KIF1B: variants seen among roughly 807,000 people sequenced by gnomAD.
The protein encoded by KIF1B is kinesin-like protein KIF1B.
A neutral mutation model predicts 241.9 loss-of-function variants in KIF1B; 76 were observed. The observed-to-expected ratio is 0.31, with a 90% CI of 0.26 to 0.38. The LOEUF (loss-of-function observed/expected upper bound fraction) is 0.38, where lower values mean the gene tolerates loss of function less well. Among genes scored for constraint, KIF1B ranks in the 10% least tolerant of loss-of-function variants. The probability of loss-of-function intolerance (pLI) is 1.00; values close to 1 mark genes in which losing one functional copy is unlikely to be tolerated. For missense variants in KIF1B, 1,622 were observed against 2,271.4 expected (o/e 0.71, Z 5.81); for synonymous variants, 750 against 796.7 (o/e 0.94, Z 0.99).
chr1:10,366,765 G>A (rs934797525), intron 43 of KIF1B, among the ~76,000 whole-genome samples: 1 of 152,178 alleles, frequency 6.6e-6, no homozygotes, highest in African/African-American at 2.4e-5. Flanking sequence ...AAGGTCAGGA[G>A]ATTGAGACCA....
intron 8 of KIF1B, among the ~76,000 whole-genome samples, chr1:10,271,952 A>T (rs1038809310): frequency 6.6e-6 from 1 of 152,238 alleles, no homozygotes; most frequent in Non-Finnish European, 1.5e-5. Flanking sequence ...CAAGATTCAG[A>T]TGTGAGAACA....
At chr1:10,292,903 A>C (rs181088336) in intron 17 of KIF1B, among the ~76,000 whole-genome samples, 19 of 152,314 alleles carry the variant, frequency 1.2e-4, no homozygotes, top group Admixed American at 3.3e-4. Context: ...CCTTTATTTC[A>C]AGTGACCTCA....
chr1:10,250,515 A>G (rs1647378616), intron 2 of KIF1B, among the ~76,000 whole-genome samples: 1 of 151,928 alleles, frequency 6.6e-6, no homozygotes, highest in African/African-American at 2.4e-5. Flanking sequence ...ATTTTTGTAA[A>G]TACAGTATTT....
chr1:10,352,675 G>A lies in KIF1B; in HGVS notation c.3994G>A (p.Ala1332Thr). Reference sequence around the variant, plus strand: ...TGAGGTGGATGAAGCTGCAGTTGATGCCATCCTCTCCCTAAATATTATTTC... The same window carrying A: ...TGAGGTGGATGAAGCTGCAGTTGATACCATCCTCTCCCTAAATATTATTTC... ...KPEVDEAAVD[A>T]ILSLNIISAK... The change falls in exon 38 of 49, where the codon GCC becomes ACC. Residue 1332 changes from alanine (A) to threonine (T), a missense_variant. By Grantham distance (58) the Ala-to-Thr change is moderately conservative. Transcript: ENST00000676179. The A allele has an allele frequency of 1.9e-6, 3 of 1,614,040 alleles. No homozygotes were observed. Among genetic ancestry groups the A allele is most frequent in the Non-Finnish European group, 2.5e-6 (3 of 1,179,962 alleles).
In KIF1B at chr1:10,366,898, G is replaced by C. The variant is rs186298132; in HGVS notation, c.4752+1250G>C. ...AGGCAGGAGAATCGCTTGAACCCAG[G>C]TGGCGGAGGCTGCAGTGAGCCGAGA... On this transcript the variant is annotated intron_variant, in intron 43 of 48. Transcript: ENST00000676179. 5.5e-3 allele frequency among the ~76,000 whole-genome samples: 837 copies of C among 151,924 alleles called. 4 individuals are homozygous for C. Among genetic ancestry groups the C allele is most frequent in the Non-Finnish European group, 7.9e-3 (540 of 67,966 alleles).
At chr1:10,336,515 G>A (rs1167116779) in intron 28 of KIF1B, 142 bp from the exon 29 acceptor site, 1 of 743,616 alleles carries the variant, frequency 1.3e-6, no homozygotes, top group African/African-American at 1.7e-5. Context: ...TGAATAGAGT[G>A]CGAAGCAGCC....
chr1:10,245,833 C>T (rs936812674), intron 2 of KIF1B, among the ~76,000 whole-genome samples: 5 of 152,258 alleles, frequency 3.3e-5, no homozygotes, highest in Non-Finnish European at 7.4e-5. Context: ...GGGAATATAA[C>T]GTGACTGACT....
In KIF1B at chr1:10,365,686, A is replaced by G. The variant is rs370662471; in HGVS notation, c.4752+38A>G. ...TCCTCTTTGCTGAACGTCTTCCCAC[A>G]AGGCTCCACAAACTAGCCTCTCGGT... On this transcript the variant is annotated intron_variant, in intron 43 of 48. Coordinates refer to ENST00000676179, the MANE Select transcript of KIF1B (RefSeq NM_001365951.3). The surrounding 1 kb of genome is among the most constrained non-coding windows in gnomAD (Gnocchi z 4.0). The G allele has an allele frequency of 3.1e-6, 5 of 1,612,862 alleles. No individual in the cohort carries two copies. The highest frequency in any genetic ancestry group is 1.3e-5 in the African/African-American group (1 of 74,902).
chr1:10,249,048 C>T (rs1647302070), intron 2 of KIF1B, among the ~76,000 whole-genome samples: 1 of 152,178 alleles, frequency 6.6e-6, no homozygotes, highest in African/African-American at 2.4e-5. Context: ...CAAAAATATT[C>T]CTGGAGTCCA....
At chr1:10,312,371 T>A (rs543912670) in intron 22 of KIF1B, among the ~76,000 whole-genome samples, 3 of 151,520 alleles carry the variant, frequency 2.0e-5, no homozygotes, top group Non-Finnish European at 2.9e-5. Context: ...TGCTGGACAG[T>A]GCTGTGACAG....
chr1:10,298,163 A>G (rs565591117), intron 22 of KIF1B, among the ~76,000 whole-genome samples: 3 of 152,336 alleles, frequency 2.0e-5, no homozygotes, highest in African/African-American at 7.2e-5. Context: ...CTGTGGATGC[A>G]GTTTAGGAAG....
chr1:10,265,227 TA>T (rs1326809726), intron 5 of KIF1B, among the ~76,000 whole-genome samples: 4 of 149,210 alleles, frequency 2.7e-5, no homozygotes, highest in Admixed American at 1.3e-4. Context: ...TTTATTTATT[TA>T]TTTATTTATT....
At chr1:10,229,992 A>G (rs556949163) in intron 1 of KIF1B, among the ~76,000 whole-genome samples, 2 of 152,240 alleles carry the variant, frequency 1.3e-5, no homozygotes, top group African/African-American at 4.8e-5. Context: ...TGGGCAACAT[A>G]ACAAGACTTT....
At chr1:10,329,639 A>G (rs1356917076) in intron 27 of KIF1B, among the ~76,000 whole-genome samples, 1 of 152,122 alleles carries the variant, frequency 6.6e-6, no homozygotes, top group East Asian at 1.9e-4. Flanking sequence ...AGGCTGAGGC[A>G]GGAGAATTGC....
At chr1:10,289,782 G>A (rs958463245) in intron 15 of KIF1B, among the ~76,000 whole-genome samples, 3 of 152,154 alleles carry the variant, frequency 2.0e-5, no homozygotes, top group African/African-American at 7.2e-5. Flanking sequence ...TACTCAGGAG[G>A]CTGGGACAGG....
chr1:10,306,501 C>G, intron 22 of KIF1B: 1 of 842,628 alleles, frequency 1.2e-6, no homozygotes, highest in Non-Finnish European at 1.5e-6. Flanking sequence ...GCCCCAGCTA[C>G]TTAGGAGGCT....
intron 5 of KIF1B, among the ~76,000 whole-genome samples, chr1:10,266,639 T>C (rs978452459): frequency 3.9e-5 from 6 of 152,226 alleles, no homozygotes; most frequent in East Asian, 3.8e-4. Flanking sequence ...AATATTGATA[T>C]TGTTCCTTGG....
chr1:10,268,101 A>C (rs751121366), intron 6 of KIF1B, 51 bp from the exon 7 acceptor site: 4 of 1,183,728 alleles, frequency 3.4e-6, no homozygotes, highest in Non-Finnish European at 5.0e-6. Flanking sequence ...GTCCATTTCA[A>C]CTCTCATCTA....
intron 45 of KIF1B, among the ~76,000 whole-genome samples, chr1:10,373,724 C>T (rs370455809): frequency 6.6e-6 from 1 of 152,310 alleles, no homozygotes; most frequent in African/African-American, 2.4e-5. Flanking sequence ...GTCTTCTCTG[C>T]ACAGCCGTTC....
Sources: allele counts gnomAD v4.1 joint callset (sites outside exome capture counted in the v4.1 genomes callset), GRCh38; gene constraint gnomAD v4.1.1; non-coding constraint Gnocchi (gnomAD v3.1); transcripts MANE v1.5; gene names NCBI Gene and HGNC (gene_info 2026-07-23, HGNC 2026-07-21).